The following ACACB variants were observed in gnomAD, a reference collection of about 807,000 sequenced individuals.
ACACB encodes acetyl-CoA carboxylase 2.
ACACB carries 209 observed loss-of-function variants against 278.8 expected under a neutral mutation model. The observed-to-expected ratio is 0.75, with a 90% CI of 0.67 to 0.84. The LOEUF is 0.84. Among genes scored for constraint, ACACB ranks in the 40% least tolerant of loss-of-function variants. ACACB has a pLI of 0.00. For missense variants in ACACB, 2,850 were observed against 3,269.0 expected, an observed-to-expected ratio of 0.87 and a Z score of 3.13; for synonymous variants, 1,174 against 1,285.6, an observed-to-expected ratio of 0.91 and a Z score of 1.86.
chr12:109,229,588 G>A (rs980308858), intron 28 of ACACB, among the ~76,000 whole-genome samples: 5 of 151,942 alleles, frequency 3.3e-5, no homozygotes, highest in African/African-American at 1.2e-4. Context: ...GGAGTGCAAC[G>A]GCGCGATCTC....
chr12:109,222,092 G>T (rs932576576), intron 24 of ACACB, among the ~76,000 whole-genome samples: 1 of 151,320 alleles, frequency 6.6e-6, no homozygotes, highest in Non-Finnish European at 1.5e-5. Context: ...AAGGTTTTGC[G>T]CTGTTGCCCA....
chr12:109,181,634 C>T (rs543802857), intron 11 of ACACB, among the ~76,000 whole-genome samples: 1 of 152,224 alleles, frequency 6.6e-6, no homozygotes, highest in South Asian at 2.1e-4. Flanking sequence ...TACAGATACT[C>T]TTCGATATAC....
intron 11 of ACACB, among the ~76,000 whole-genome samples, chr12:109,183,287 A>G (rs900832609): frequency 6.6e-6 from 1 of 151,548 alleles, no homozygotes; most frequent in African/African-American, 2.4e-5. Flanking sequence ...TTCCATATAA[A>G]CTTTAGGATT....
intron 1 of ACACB, among the ~76,000 whole-genome samples, chr12:109,133,864 T>TATA (rs1555202940): frequency 0.022 from 523 of 23,644 alleles, 1 homozygote; most frequent in South Asian, 0.041. Flanking sequence ...TATATATATA[T>TATA]TTTTTTTTTT....
rs565563491 is a variant in ACACB at position 109,245,822 on chromosome 12, C to T, written c.5301+74C>T. The T allele has an allele frequency of 6.1e-4, 958 of 1,558,810 alleles. 10 individuals carry two copies. In the South Asian group the frequency reaches 8.2e-3, roughly 13 times the overall value. On this transcript the variant is annotated intron_variant, in intron 38 of 52. Transcript: ENST00000338432. The stretch of plus-strand genomic sequence containing the variant: ...AATATTTTTGGGCCAGGTGCAGTAG[C>T]TCACACCTGTAATCCCAGTGCTTTG...
At chr12:109,167,073 C>A (rs1457108859) in intron 3 of ACACB, 80 bp downstream of exon 3, 1 of 1,586,626 alleles carries the variant, frequency 6.3e-7, no homozygotes, top group Non-Finnish European at 8.6e-7. Context: ...GTGGGAGATT[C>A]GGGTTCAGGC....
chr12:109,221,865 T>C (rs1323027665), intron 24 of ACACB, among the ~76,000 whole-genome samples: 1 of 150,002 alleles, frequency 6.7e-6, no homozygotes, highest in Admixed American at 6.6e-5. Context: ...AGTATGTGCC[T>C]GATAATCACT....
rs201850400 is a variant in ACACB, at chr12:109,223,857, A to G, written c.3835A>G (p.Thr1279Ala). 3.1e-5 allele frequency: 50 copies of G among 1,614,038 alleles called. No homozygotes were observed. The highest frequency in any genetic ancestry group is 6.7e-5 in the Admixed American group (4 of 59,982). The change falls in exon 27 of 53, where the codon ACT becomes GCT. Residue 1279 changes from threonine (T) to alanine (A), a missense_variant. Physicochemically the swap from Thr to Ala is moderately conservative, Grantham distance 58 (BLOSUM62 0). Around this residue, in one of 3 missense-constraint regions of ACACB, gnomAD observed 2,265 missense variants for 2,561.3 expected, o/e 0.88. Transcript: ENST00000338432. ...SETTIFDVLP[T>A]FFYHANKVVC... ...AACAACCATCTTCGACGTCCTGCCTACTTTCTTCTATCACGCAAACAAAGT... is the reference window on the plus strand; with the variant it reads ...AACAACCATCTTCGACGTCCTGCCTGCTTTCTTCTATCACGCAAACAAAGT...
At chr12:109,197,706 C>T (rs1443380383) in intron 17 of ACACB, among the ~76,000 whole-genome samples, 2 of 151,936 alleles carry the variant, frequency 1.3e-5, no homozygotes, top group Non-Finnish European at 2.9e-5. Flanking sequence ...TGAGATAGGC[C>T]CCAAAGATGC....
In ACACB at chr12:109,253,086, C is replaced by A. The variant is rs1450318597; in HGVS notation, c.5973C>A (p.Val1991=). The change falls in exon 43 of 53, where the codon GTC becomes GTA. Residue 1991 remains valine, a synonymous_variant. Transcript: ENST00000338432. ...TTCAGATCATGCATTACAATGGTGT[C>A]TCCCACATCACCGTGCCAGATGACT... The part of the protein sequence containing the change: ...GGVQIMHYNG[V]SHITVPDDFE... The A allele has an allele frequency of 1.2e-6, 2 of 1,613,588 alleles. No individual in the cohort carries two copies. The highest frequency in any genetic ancestry group is 2.2e-5 in the South Asian group (2 of 90,880).
At chr12:109,249,020 T>C (rs1299031850) in intron 40 of ACACB, 1 of 152,180 alleles carries the variant, frequency 6.6e-6, no homozygotes, top group Non-Finnish European at 1.5e-5. Context: ...ATATCTTTGG[T>C]TGTATAAACC....
At chr12:109,194,511 CATGTGTGTGTGT>C (rs1274221569) in intron 16 of ACACB, among the ~76,000 whole-genome samples, 3 of 54,282 alleles carry the variant, frequency 5.5e-5, no homozygotes, top group Admixed American at 1.7e-4. Context: ...TCTGTGTGTG[CATGTGTGTGTGT>C]GTGTGTGTGT....
chr12:109,209,352 A>AG lies in ACACB; in HGVS notation c.3249+1dup. On this transcript the variant is annotated frameshift_variant and splice_region_variant, in exon 21 of 53. Transcript: ENST00000338432. LOFTEE classifies it high-confidence loss of function. The stretch of plus-strand genomic sequence containing the variant: ...GTGCTGTGCCAGTTCCCCAGCCAGC[A>AG]GGTGCGTGCTCCCCTGCCCAGCCCC... 2 of 1,608,462 alleles carry AG rather than the reference A, an allele frequency of 1.2e-6. No homozygotes were observed. The highest frequency in any genetic ancestry group is 1.7e-6 in the Non-Finnish European group (2 of 1,177,650).
At chr12:109,183,830 G>T (rs952629683) in intron 11 of ACACB, among the ~76,000 whole-genome samples, 1 of 151,144 alleles carries the variant, frequency 6.6e-6, no homozygotes, top group Non-Finnish European at 1.5e-5. Context: ...TCCCATAATG[G>T]GGTCTCATTA....
At position 109,167,944 on chromosome 12, in the gene ACACB, A is replaced by G; in HGVS notation, c.835A>G (p.Ile279Val). The change falls in exon 4 of 53, where the codon ATC becomes GTC. Residue 279 changes from isoleucine to valine, a missense_variant. This residue lies in a region of ACACB where 2,265 missense variants were observed against 2,561.3 expected (regional missense o/e 0.88). Coordinates refer to ENST00000338432, the MANE Select transcript of ACACB (RefSeq NM_001093.4). ...GIAAVKCMRS[I>V]RRWAYEMFRN... ...TGCCGCCGTGAAGTGCATGCGCTCC[A>G]TCCGCAGGTGGGCCTATGAGATGTT... The G allele has an allele frequency of 6.2e-7, 1 of 1,613,906 alleles. No individual in the cohort carries two copies. The highest frequency in any genetic ancestry group is 8.5e-7 in the Non-Finnish European group (1 of 1,179,910).
intron 11 of ACACB, among the ~76,000 whole-genome samples, chr12:109,183,791 A>G (rs1436698757): frequency 2.6e-5 from 4 of 151,446 alleles, no homozygotes; most frequent in Admixed American, 2.0e-4. Flanking sequence ...AATTGTTTTC[A>G]TTGTTTTCTT....
chr12:109,139,550 C>A lies in ACACB; in HGVS notation c.145C>A (p.Pro49Thr), dbSNP rs905134619. 1.9e-6 allele frequency: 3 copies of A among 1,614,108 alleles called. No homozygotes were observed. Among genetic ancestry groups the A allele is most frequent in the Admixed American group, 1.7e-5 (1 of 60,016 alleles). The stretch of plus-strand genomic sequence containing the variant: ...CCTCATCCCGAGCCAGGAGCCCTTT[C>A]CAGCCTCTGATAACTCAGGGGAGAC... ...ANLIPSQEPF[P>T]ASDNSGETPQ... is the part of the protein sequence containing the mutation. Residue 49 changes from proline (P) to threonine (T), a missense_variant, in exon 2 of 53, where the codon CCA (proline) becomes ACA (threonine). Pro to Thr is a conservative substitution (Grantham distance 38). Coordinates refer to ENST00000338432, the MANE Select transcript of ACACB (RefSeq NM_001093.4).
chr12:109,212,871 G>T lies in ACACB; in HGVS notation c.3285G>T (p.Leu1095=), dbSNP rs1203775482. 3 of 1,614,018 alleles carry T rather than the reference G, an allele frequency of 1.9e-6. No individual in the cohort carries two copies. Among genetic ancestry groups the T allele is most frequent in the Non-Finnish European group, 2.5e-6 (3 of 1,180,004 alleles). ...ATILDCHAAT[L]QRKADREVFF... ...TCCTGGACTGCCATGCAGCCACCCT[G>T]CAGCGGAAGGCTGATCGAGAGGTCT... The change falls in exon 22 of 53, where the codon CTG becomes CTT. Residue 1095 remains leucine, a synonymous_variant. Transcript: ENST00000338432.
intron 12 of ACACB, 46 bp downstream of exon 12, chr12:109,185,786 G>T (rs190542856): frequency 6.4e-7 from 1 of 1,558,296 alleles, no homozygotes; most frequent in African/African-American, 1.4e-5. Flanking sequence ...AGATCTCCCA[G>T]CATGTGGGGG....
Sources: gnomAD v4.1 joint callset for allele counts (sites outside exome capture counted in the v4.1 genomes callset) on GRCh38, gnomAD v4.1.1 for gene constraint, gnomAD v4.1.1 regional missense constraint, MANE v1.5 for transcripts, NCBI Gene and HGNC (gene_info 2026-07-23, HGNC 2026-07-21) for gene names.